SPOCK3: variants seen among roughly 807,000 people sequenced by gnomAD.
The protein encoded by SPOCK3 is SPARC (osteonectin), cwcv and kazal like domains proteoglycan 3.
A neutral mutation model predicts 56.6 loss-of-function variants in SPOCK3; 30 were observed. The ratio of observed to expected loss-of-function variants is 0.53; its 90% CI spans 0.40 to 0.72. SPOCK3 has a LOEUF of 0.72. Among genes scored for constraint, SPOCK3 ranks in the 30% least tolerant of loss-of-function variants. SPOCK3 has a pLI of 0.00. For missense variants in SPOCK3, 527 were observed against 530.0 expected, an observed-to-expected ratio of 0.99 and a Z score of 0.06; for synonymous variants, 196 against 183.3, an observed-to-expected ratio of 1.07 and a Z score of -0.56.
At chr4:167,198,417 G>A (rs1733179979) in intron 2 of SPOCK3, among the ~76,000 whole-genome samples, 1 of 152,048 alleles carries the variant, frequency 6.6e-6, no homozygotes, top group South Asian at 2.1e-4. Context: ...CCTTGTTGAA[G>A]TTATAGCTTC....
chr4:167,169,151 A>T (rs1034876959), intron 2 of SPOCK3, among the ~76,000 whole-genome samples: 3 of 152,212 alleles, frequency 2.0e-5, no homozygotes, highest in Non-Finnish European at 4.4e-5. Context: ...CTACTAGGGC[A>T]GTGCAGAAGG....
At chr4:166,845,253 A>T (rs142588746) in intron 6 of SPOCK3, among the ~76,000 whole-genome samples, 3 of 152,210 alleles carry the variant, frequency 2.0e-5, no homozygotes, top group Non-Finnish European at 4.4e-5. Context: ...TTAGCAATTT[A>T]TGACTGAACC....
At chr4:166,949,035 T>G (rs1193497303) in intron 4 of SPOCK3, among the ~76,000 whole-genome samples, 1 of 152,126 alleles carries the variant, frequency 6.6e-6, no homozygotes, top group Non-Finnish European at 1.5e-5. Flanking sequence ...GGAGGCTTTG[T>G]TCGTTTCTTT....
chr4:167,153,002 T>A (rs536001626), intron 2 of SPOCK3, among the ~76,000 whole-genome samples: 7 of 152,224 alleles, frequency 4.6e-5, no homozygotes, highest in Non-Finnish European at 1.0e-4. Context: ...TATCTATCAT[T>A]TATTGATTAA....
chr4:167,104,255 A>T (rs1293205124), intron 2 of SPOCK3, among the ~76,000 whole-genome samples: 1 of 152,192 alleles, frequency 6.6e-6, no homozygotes, highest in Non-Finnish European at 1.5e-5. Context: ...CCAAAAACCA[A>T]TCCTGGAGAA....
chr4:166,948,787 A>G (rs1484499680), intron 4 of SPOCK3, among the ~76,000 whole-genome samples: 1 of 151,756 alleles, frequency 6.6e-6, no homozygotes, highest in Non-Finnish European at 1.5e-5. Flanking sequence ...TTTTTCCTTC[A>G]TTTCAACTTT....
chr4:166,799,944 G>A (rs1288933978), intron 6 of SPOCK3, among the ~76,000 whole-genome samples: 1 of 152,010 alleles, frequency 6.6e-6, no homozygotes, highest in Non-Finnish European at 1.5e-5. Flanking sequence ...CACTTTGGGA[G>A]GTCGAGGTGA....
intron 4 of SPOCK3, among the ~76,000 whole-genome samples, chr4:166,973,924 T>G (rs1408579884): frequency 6.6e-6 from 1 of 152,170 alleles, no homozygotes; most frequent in Non-Finnish European, 1.5e-5. Flanking sequence ...AATCTTTACT[T>G]ATGGAAATCA....
chr4:166,845,761 G>C (rs1247162186), intron 6 of SPOCK3, among the ~76,000 whole-genome samples: 1 of 151,958 alleles, frequency 6.6e-6, no homozygotes, highest in Non-Finnish European at 1.5e-5. Context: ...TAAAGCAATG[G>C]GACAAAAAAT....
intron 4 of SPOCK3, among the ~76,000 whole-genome samples, chr4:166,955,869 C>T (rs1214852611): frequency 6.6e-6 from 1 of 151,812 alleles, no homozygotes; most frequent in Non-Finnish European, 1.5e-5. Context: ...CCCTATCTCT[C>T]TTCTGTCACT....
intron 4 of SPOCK3, among the ~76,000 whole-genome samples, chr4:166,983,142 A>G (rs1424805472): frequency 6.6e-6 from 1 of 152,160 alleles, no homozygotes; most frequent in African/African-American, 2.4e-5. Context: ...CAAAGGAGGA[A>G]AACTAGACTA....
intron 4 of SPOCK3, among the ~76,000 whole-genome samples, chr4:166,913,289 C>A (rs9999386): frequency 0.11 from 16,194 of 152,142 alleles, 900 homozygotes; most frequent in African/African-American, 0.13. Flanking sequence ...AAAGTGTCTT[C>A]AAATAGATCC....
chr4:167,161,878 G>C (rs13105348), intron 2 of SPOCK3, among the ~76,000 whole-genome samples: 39,759 of 137,122 alleles, frequency 0.29, 6,889 homozygotes, highest in African/African-American at 0.49. Context: ...CATCACACAC[G>C]GGGGACTGTT....
chr4:166,928,704 C>T (rs887535460), intron 4 of SPOCK3, among the ~76,000 whole-genome samples: 1 of 152,172 alleles, frequency 6.6e-6, no homozygotes, highest in African/African-American at 2.4e-5. Context: ...GGCACGGTGG[C>T]TCACGCCTGT....
chr4:167,154,673 A>C (rs1432737526), intron 2 of SPOCK3, among the ~76,000 whole-genome samples: 2 of 152,194 alleles, frequency 1.3e-5, no homozygotes, highest in Non-Finnish European at 2.9e-5. Flanking sequence ...CTTGGGATTC[A>C]ACAAAAATTG....
At chr4:167,093,989 A>T (rs1227993788) in intron 2 of SPOCK3, among the ~76,000 whole-genome samples, 1 of 152,178 alleles carries the variant, frequency 6.6e-6, no homozygotes, top group South Asian at 2.1e-4. Context: ...TAGACTAAGA[A>T]TTCTTGGGCT....
rs560866506 is a variant in SPOCK3, at chr4:167,151,677, C to T, written c.189+82308G>A. ...GTCTCGATCTCCTGACCTCGTGATC[C>T]GCCCGTCTCGGCCTCCCATAGTGCT... On this transcript the variant is annotated intron_variant, in intron 2 of 10. Transcript: ENST00000357545. Among the ~76,000 whole-genome samples, 12 of 152,100 alleles carry T rather than the reference C, an allele frequency of 7.9e-5. No homozygotes were observed. In the East Asian group the frequency reaches 1.4e-3, roughly 17 times the overall value.
intron 2 of SPOCK3, among the ~76,000 whole-genome samples, chr4:167,088,348 G>A (rs539630343): frequency 2.0e-5 from 3 of 152,060 alleles, no homozygotes; most frequent in African/African-American, 7.2e-5. Context: ...CACTGCATTA[G>A]GGTTTTAATC....
At chr4:166,858,604 T>C (rs1303712561) in intron 6 of SPOCK3, among the ~76,000 whole-genome samples, 1 of 152,090 alleles carries the variant, frequency 6.6e-6, no homozygotes, top group East Asian at 1.9e-4. Flanking sequence ...GAGGTAACTT[T>C]AAACTCCCTG....
Sources: allele counts gnomAD v4.1 joint callset (sites outside exome capture counted in the v4.1 genomes callset), GRCh38; gene constraint gnomAD v4.1.1; transcripts MANE v1.5; gene names NCBI Gene and HGNC (gene_info 2026-07-23, HGNC 2026-07-21).